The following DLC1 variants were observed in gnomAD, a reference collection of about 807,000 sequenced individuals.
The protein encoded by DLC1 is rho GTPase-activating protein 7.
Under a neutral mutation model 140.3 loss-of-function variants are expected in DLC1, and 54 were observed. The ratio of observed to expected loss-of-function variants is 0.38; its 90% CI spans 0.31 to 0.48. The LOEUF is 0.48. DLC1 is among the 20% of genes least tolerant of loss of function. DLC1 has a pLI of 0.96. For missense variants in DLC1, 2,536 were observed against 1,907.0 expected, an observed-to-expected ratio of 1.33 and a Z score of -6.14; for synonymous variants, 986 against 728.1, an observed-to-expected ratio of 1.35 and a Z score of -5.70.
chr8:13,108,002 G>A (rs1180082729), intron 7 of DLC1, among the ~76,000 whole-genome samples: 5 of 151,988 alleles, frequency 3.3e-5, no homozygotes, highest in African/African-American at 9.7e-5. Flanking sequence ...CCGAGATCAC[G>A]CCACTGTACT....
At chr8:13,437,578 TGGCTATGCCTGAGGCTATGAAGGTC>T (rs2116902940) in intron 2 of DLC1, among the ~76,000 whole-genome samples, 1 of 152,312 alleles carries the variant, frequency 6.6e-6, no homozygotes, top group African/African-American at 2.4e-5. Context: ...CCTCATTTAA[TGGCTATGCCTGAGGCTATGAAGGTC>T]GGTCCACATG....
chr8:13,507,844 A>G (rs998811962), intron 1 of DLC1, among the ~76,000 whole-genome samples: 4 of 152,220 alleles, frequency 2.6e-5, no homozygotes, highest in Non-Finnish European at 5.9e-5. Flanking sequence ...GTAGTGTTTC[A>G]CTTTTTCCAA....
chr8:13,586,713 A>C (rs1334825145), intron 1 of DLC1, among the ~76,000 whole-genome samples: 1 of 151,966 alleles, frequency 6.6e-6, no homozygotes, highest in African/African-American at 2.4e-5. Flanking sequence ...ACGTCTTTAA[A>C]AACTATGTAG....
chr8:13,421,868 G>T (rs1838336150), intron 2 of DLC1, among the ~76,000 whole-genome samples: 1 of 152,068 alleles, frequency 6.6e-6, no homozygotes, highest in Non-Finnish European at 1.5e-5. Context: ...ACAGGGAACA[G>T]AAATTTTTCT....
intron 5 of DLC1, among the ~76,000 whole-genome samples, chr8:13,117,353 C>CT (rs1293997563): frequency 1.3e-5 from 2 of 152,086 alleles, no homozygotes; most frequent in Non-Finnish European, 2.9e-5. Flanking sequence ...TGGTGTGCTC[C>CT]TGTAGTCCCA....
intron 4 of DLC1, among the ~76,000 whole-genome samples, chr8:13,371,159 T>A (rs1671416): frequency 0.65 from 98,923 of 152,096 alleles, 32,871 homozygotes; most frequent in East Asian, 0.84. Flanking sequence ...TTTACTCTGT[T>A]TATCCAATAA....
At position 13,092,621 on chromosome 8, in the gene DLC1, G is replaced by C; in HGVS notation, c.3731C>G (p.Ser1244Cys). ...CCCATGCAGCCCGTACCTGGGAGAG[G>C]AATTCTCTCTCTTCAGGGTGTTGAG... ...FHLNTLKREN[S>C]SPRVMQRKQS... is the part of the protein sequence containing the mutation. The change falls in exon 13 of 18, where the codon TCC (serine) becomes TGC (cysteine). Residue 1244 changes from serine (S) to cysteine (C), a missense_variant. Physicochemically the swap from Ser to Cys is moderately radical, Grantham distance 112. Coordinates refer to ENST00000276297, the MANE Select transcript of DLC1 (RefSeq NM_182643.3). 6.2e-7 allele frequency: 1 copy of C among 1,614,140 alleles called. No individual in the cohort carries two copies. The highest frequency in any genetic ancestry group is 8.5e-7 in the Non-Finnish European group (1 of 1,180,040).
intron 5 of DLC1, among the ~76,000 whole-genome samples, chr8:13,170,939 A>G (rs1372273384): frequency 6.6e-6 from 1 of 152,138 alleles, no homozygotes; most frequent in Non-Finnish European, 1.5e-5. Context: ...AAAGTATTGA[A>G]ATCCTCAAGA....
In DLC1 at chr8:13,494,228, G is replaced by T. The variant is rs372311126; in HGVS notation, c.1023+4821C>A. Among the ~76,000 whole-genome samples the T allele has an allele frequency of 9.2e-5, 14 of 152,282 alleles. 1 individual carries two copies. In the South Asian group the frequency reaches 2.9e-3, roughly 32 times the overall value. ...TATATTGGAATATATTTATGTTAGA[G>T]TGTATTCCTCAATATTTATGTTATG... On this transcript the variant is annotated intron_variant, in intron 2 of 17. Transcript: ENST00000276297.
chr8:13,101,198 A>G (rs996061865), intron 8 of DLC1, among the ~76,000 whole-genome samples: 3 of 152,228 alleles, frequency 2.0e-5, no homozygotes, highest in African/African-American at 7.2e-5. Context: ...GGCATGAGCC[A>G]CAGTGCCCGG....
At chr8:13,598,374 G>C (rs897912585) in intron 1 of DLC1, among the ~76,000 whole-genome samples, 16 of 151,250 alleles carry the variant, frequency 1.1e-4, no homozygotes, top group Admixed American at 3.3e-4. Context: ...GTCTCTGTGG[G>C]GACCACTTAG....
chr8:13,421,306 G>A (rs939945446), intron 2 of DLC1, among the ~76,000 whole-genome samples: 7 of 152,060 alleles, frequency 4.6e-5, no homozygotes, highest in Non-Finnish European at 1.0e-4. Context: ...AAAAGACTGG[G>A]CTGATGTGTC....
At chr8:13,350,804 G>C (rs546795432) in intron 4 of DLC1, among the ~76,000 whole-genome samples, 1 of 152,196 alleles carries the variant, frequency 6.6e-6, no homozygotes, top group Non-Finnish European at 1.5e-5. Flanking sequence ...AGTCAGCTTG[G>C]AAGGTGGTAG....
chr8:13,499,814 G>C lies in DLC1; in HGVS notation c.258C>G (p.Asp86Glu). ...RPMGHLSKDV[D>E]ENDSHEGEDQ... Reference sequence around the variant, plus strand: ...CTTCACCTTCATGGCTGTCATTTTCGTCCACATCCTTTGAAAGATGACCCA... The same window carrying C: ...CTTCACCTTCATGGCTGTCATTTTCCTCCACATCCTTTGAAAGATGACCCA... The change falls in exon 2 of 18, where the codon GAC becomes GAG. Residue 86 changes from aspartate (D) to glutamate (E), a missense_variant. Coordinates refer to ENST00000276297, the MANE Select transcript of DLC1 (RefSeq NM_182643.3). The C allele has an allele frequency of 6.2e-7, 1 of 1,613,886 alleles. No homozygotes were observed. The highest frequency in any genetic ancestry group is 8.5e-7 in the Non-Finnish European group (1 of 1,179,976).
intron 4 of DLC1, among the ~76,000 whole-genome samples, chr8:13,377,799 C>G (rs190934329): frequency 6.6e-6 from 1 of 151,946 alleles, no homozygotes; most frequent in Non-Finnish European, 1.5e-5. Context: ...TAGGTGGCGC[C>G]TAATGATAAA....
intron 5 of DLC1, among the ~76,000 whole-genome samples, chr8:13,158,850 C>A (rs67404687): frequency 0.42 from 63,847 of 150,694 alleles, 13,615 homozygotes; most frequent in South Asian, 0.48. Flanking sequence ...CATTTTATGA[C>A]AGAGAGAAAC....
chr8:13,286,709 T>C (rs1172032219), intron 5 of DLC1, among the ~76,000 whole-genome samples: 2 of 149,432 alleles, frequency 1.3e-5, no homozygotes, highest in African/African-American at 4.9e-5. Flanking sequence ...CTTAACTATT[T>C]TGAAATAGGA....
At chr8:13,332,924 A>G (rs1349958) in intron 4 of DLC1, among the ~76,000 whole-genome samples, 129,811 of 151,706 alleles carry the variant, frequency 0.86, 55,958 homozygotes, top group East Asian at 0.95. Flanking sequence ...CTCGGATGCC[A>G]AAATCTCCTG....
At chr8:13,532,265 G>C (rs1803123516) in intron 1 of DLC1, among the ~76,000 whole-genome samples, 1 of 152,074 alleles carries the variant, frequency 6.6e-6, no homozygotes, top group Admixed American at 6.6e-5. Context: ...GTGAGATCCT[G>C]TCTAAAAACA....
Sources: gnomAD v4.1 joint callset for allele counts (sites outside exome capture counted in the v4.1 genomes callset) on GRCh38, gnomAD v4.1.1 for gene constraint, MANE v1.5 for transcripts, NCBI Gene and HGNC (gene_info 2026-07-23, HGNC 2026-07-21) for gene names.